Variants in MLIP observed in about 807,000 individuals in gnomAD.
The protein encoded by MLIP is muscular LMNA interacting protein, also known as muscular LMNA-interacting protein.
MLIP carries 79 observed loss-of-function variants against 84.8 expected under a neutral mutation model. The ratio of observed to expected loss-of-function variants is 0.93; its 90% confidence interval spans 0.78 to 1.12. The LOEUF (loss-of-function observed/expected upper bound fraction) is 1.12, where lower values mean the gene tolerates loss of function less well. Ranked by LOEUF, MLIP falls within the 50% of genes most tolerant of loss-of-function variation. The pLI, the probability that MLIP is intolerant of heterozygous loss-of-function variation, is 0.00. For synonymous variants in MLIP, 504 were observed against 463.0 expected (o/e 1.09, Z -1.14); for missense variants, 1,257 against 1,160.6 (o/e 1.08, Z -1.21).
intron 11 of MLIP, among the ~76,000 whole-genome samples, chr6:54,226,834 A>G (rs1162631305): frequency 1.3e-5 from 2 of 152,200 alleles, no homozygotes; most frequent in Non-Finnish European, 2.9e-5. Flanking sequence ...TGCAGAAACA[A>G]AGAATGCAAT....
intron 3 of MLIP, among the ~76,000 whole-genome samples, chr6:54,130,357 G>T (rs931249284): frequency 2.0e-5 from 3 of 152,136 alleles, no homozygotes; most frequent in African/African-American, 7.2e-5. Context: ...GTCAGAACTT[G>T]GCTGGGGAGG....
intron 5 of MLIP, 63 bp downstream of exon 5, chr6:54,149,190 A>G: frequency 7.0e-7 from 1 of 1,432,744 alleles, no homozygotes; most frequent in Non-Finnish European, 9.8e-7. Flanking sequence ...AATGTTTTCT[A>G]AAATTTCTGT....
At chr6:54,129,827 A>C (rs1771234548) in intron 3 of MLIP, among the ~76,000 whole-genome samples, 1 of 152,150 alleles carries the variant, frequency 6.6e-6, no homozygotes, top group Non-Finnish European at 1.5e-5. Context: ...CTGTGCAAGA[A>C]TAGGTGAGAG....
intron 9 of MLIP, among the ~76,000 whole-genome samples, chr6:54,177,399 A>G (rs1776398027): frequency 6.6e-6 from 1 of 152,024 alleles, no homozygotes; most frequent in Admixed American, 6.6e-5. Flanking sequence ...CAAACAGACA[A>G]TTGTCAAAAG....
intron 12 of MLIP, among the ~76,000 whole-genome samples, chr6:54,231,837 C>T (rs940816263): frequency 1.3e-5 from 2 of 152,018 alleles, no homozygotes; most frequent in African/African-American, 4.8e-5. Flanking sequence ...TTCTTGGAGC[C>T]TGAGGCATTT....
At chr6:54,126,155 A>C (rs1213246789) in intron 3 of MLIP, among the ~76,000 whole-genome samples, 1 of 152,126 alleles carries the variant, frequency 6.6e-6, no homozygotes, top group Non-Finnish European at 1.5e-5. Context: ...AAGATAATGA[A>C]ATAGTTGGAG....
intron 11 of MLIP, among the ~76,000 whole-genome samples, chr6:54,207,697 T>A (rs891449283): frequency 2.3e-4 from 35 of 152,346 alleles, no homozygotes; most frequent in African/African-American, 7.7e-4. Flanking sequence ...GTAGTGTCTG[T>A]TAATATCCCA....
intron 11 of MLIP, among the ~76,000 whole-genome samples, chr6:54,228,792 A>T (rs1265017574): frequency 1.3e-5 from 2 of 152,110 alleles, no homozygotes; most frequent in African/African-American, 2.4e-5. Flanking sequence ...TGTTCAAACC[A>T]CTTTACCTAA....
rs201869537 is a variant in MLIP, at chr6:54,238,138, CTA to C, written c.2922+7223_2922+7224del. On this transcript the variant is annotated intron_variant, in intron 12 of 13. Coordinates refer to ENST00000502396, the MANE Select transcript of MLIP (RefSeq NM_001281747.2). ...ATTAAGGCCTACTGGAGTCCATTTTCTATTTTTAAAAATTCAGCTCATTTAGA... is the reference window on the plus strand; with the variant it reads ...ATTAAGGCCTACTGGAGTCCATTTTCTTTTTAAAAATTCAGCTCATTTAGA... Among the ~76,000 whole-genome samples, 1,247 of 152,240 alleles carry C rather than the reference CTA, an allele frequency of 8.2e-3. 18 individuals carry two copies. Among genetic ancestry groups the C allele is most frequent in the African/African-American group, 0.028 (1,169 of 41,532 alleles).
In MLIP at chr6:54,266,144, A is replaced by G; in HGVS notation, c.*189A>G. The stretch of plus-strand genomic sequence containing the variant: ...TCACAGTGCTCTGCTAACAGCCAGC[A>G]TAGAAGAGATTTACCTACAGCTTTT... On this transcript the variant is annotated 3_prime_UTR_variant, in exon 14 of 14. Transcript: ENST00000502396. The G allele has an allele frequency of 1.6e-6, 1 of 608,810 alleles. No individual in the cohort carries two copies. The highest frequency in any genetic ancestry group is 2.9e-6 in the Non-Finnish European group (1 of 339,098). The allele number at this position is 608,810 out of a possible 1,614,324, so 37.7% of individuals were successfully genotyped here.
intron 9 of MLIP, among the ~76,000 whole-genome samples, chr6:54,172,220 A>C: frequency 6.6e-6 from 1 of 151,738 alleles, no homozygotes; most frequent in African/African-American, 2.4e-5. Flanking sequence ...ACCACTATGC[A>C]TCCCATGGAT....
intron 12 of MLIP, among the ~76,000 whole-genome samples, chr6:54,238,008 A>C (rs932092871): frequency 6.6e-6 from 1 of 152,158 alleles, no homozygotes; most frequent in Non-Finnish European, 1.5e-5. Flanking sequence ...CTAATCTACT[A>C]TAGTCATTTT....
In MLIP at chr6:54,244,080, T is replaced by C. The variant is rs1489380573; in HGVS notation, c.2922+13163T>C. Among the ~76,000 whole-genome samples the C allele has an allele frequency of 2.6e-5, 4 of 152,116 alleles. No homozygotes were observed. In the East Asian group the frequency reaches 7.7e-4, roughly 29 times the overall value. ...AATTGTACTGAGGTAGCCACATTTA[T>C]TGAAAAAAGTCATCTTGAATTTTGG... On this transcript the variant is annotated intron_variant, in intron 12 of 13. Transcript: ENST00000502396.
At chr6:54,079,744 A>T (rs993991424) in intron 1 of MLIP, 1 of 152,188 alleles carries the variant, frequency 6.6e-6, no homozygotes, top group African/African-American at 2.4e-5. Flanking sequence ...ATTTAAAAAG[A>T]TTCACCAAAA....
chr6:54,229,404 G>A (rs1381509739), intron 11 of MLIP, among the ~76,000 whole-genome samples: 1 of 151,952 alleles, frequency 6.6e-6, no homozygotes, highest in African/African-American at 2.4e-5. Flanking sequence ...TGTGCAGGAT[G>A]TCTAGGTTTA....
In MLIP at chr6:54,261,792, A is replaced by T. The variant is rs150606196; in HGVS notation, c.2977-4158A>T. 1,397 of 954,674 alleles carry T rather than the reference A, an allele frequency of 1.5e-3. 17 individuals are homozygous for T. In the African/African-American group the frequency reaches 0.023, roughly 16 times the overall value. 59.1% of individuals were successfully genotyped at this position (954,674 alleles called of 1,614,324 possible). The stretch of plus-strand genomic sequence containing the variant: ...TTGATTCAAGGGTAAAAATAAAATT[A>T]TCAAGAGAAAAAGGCCCACTCTATT... On this transcript the variant is annotated intron_variant, in intron 13 of 13. Coordinates refer to ENST00000502396, the MANE Select transcript of MLIP (RefSeq NM_001281747.2).
intron 4 of MLIP, among the ~76,000 whole-genome samples, chr6:54,146,741 C>T (rs908075988): frequency 6.6e-6 from 1 of 152,138 alleles, no homozygotes; most frequent in African/African-American, 2.4e-5. Context: ...TGTGCAATAA[C>T]AAGATATGTC....
chr6:54,032,291 A>G (rs1372112499), intron 1 of MLIP: 1 of 152,238 alleles, frequency 6.6e-6, no homozygotes, highest in Non-Finnish European at 1.5e-5. Context: ...AGTTATGATT[A>G]CAGAGATACT....
At chr6:54,063,555 A>G (rs1452396993) in intron 1 of MLIP, among the ~76,000 whole-genome samples, 1 of 152,230 alleles carries the variant, frequency 6.6e-6, no homozygotes, top group Non-Finnish European at 1.5e-5. Context: ...GTGTAAATGT[A>G]CAACAAATAG....
Sources: gnomAD v4.1 joint callset for allele counts (sites outside exome capture counted in the v4.1 genomes callset) on GRCh38, gnomAD v4.1.1 for gene constraint, MANE v1.5 for transcripts, NCBI Gene and HGNC (gene_info 2026-07-23, HGNC 2026-07-21) for gene names.